The following VPS13C variants were observed in gnomAD, a reference collection of about 807,000 sequenced individuals.
VPS13C encodes vacuolar protein sorting 13 homolog C.
In VPS13C, 358 loss-of-function variants were observed where a neutral mutation model predicts 456.8. The ratio of observed to expected loss-of-function variants is 0.78; its 90% CI spans 0.72 to 0.86. The LOEUF (loss-of-function observed/expected upper bound fraction) is 0.86, where lower values mean the gene tolerates loss of function less well. Among genes scored for constraint, VPS13C ranks in the 40% least tolerant of loss-of-function variants. VPS13C has a pLI of 0.00. For synonymous variants in VPS13C, 1,578 were observed against 1,486.7 expected, an observed-to-expected ratio of 1.06 and a Z score of -1.41; for missense variants, 4,818 against 4,385.4, an observed-to-expected ratio of 1.10 and a Z score of -2.79.
chr15:61,940,648 T>C lies in VPS13C; in HGVS notation c.5600A>G (p.Gln1867Arg), dbSNP rs771393177. 2.5e-6 allele frequency: 4 copies of C among 1,612,556 alleles called. No homozygotes were observed. Among genetic ancestry groups the C allele is most frequent in the Non-Finnish European group, 3.4e-6 (4 of 1,179,472 alleles). ...MEIKGKLKPMQVALSEDDLTV... is the reference protein window; with the variant it reads ...MEIKGKLKPMRVALSEDDLTV... ...ATATATTATATACTAGCTACTTACC[T>C]GCATAGGTTTTAGTTTTCCTTTTAT... is the stretch of plus-strand genomic sequence containing the variant. Residue 1867 changes from glutamine to arginine, a missense_variant and splice_region_variant, in exon 47 of 85, where the codon CAG becomes CGG. By Grantham distance (43) the Gln-to-Arg change is conservative. This residue lies in a region of VPS13C where 4,552 missense variants were observed against 4,130.6 expected (regional missense o/e 1.10). Coordinates refer to ENST00000644861, the MANE Select transcript of VPS13C (RefSeq NM_020821.3).
intron 76 of VPS13C, 44 bp downstream of exon 76, chr15:61,875,688 C>CCATTTTT (rs1344369712): frequency 2.2e-6 from 3 of 1,368,688 alleles, no homozygotes; most frequent in Non-Finnish European, 3.1e-6. Flanking sequence ...AATAGACCAT[C>CCATTTTT]CATTTTTCTG....
intron 66 of VPS13C, among the ~76,000 whole-genome samples, chr15:61,893,807 T>C (rs545591000): frequency 1.1e-4 from 16 of 152,196 alleles, no homozygotes; most frequent in African/African-American, 3.9e-4. Flanking sequence ...TCCTTTCTGA[T>C]CAAAGTTAAG....
chr15:61,885,116 G>A (rs1464616672), intron 67 of VPS13C, among the ~76,000 whole-genome samples: 1 of 152,034 alleles, frequency 6.6e-6, no homozygotes, highest in Non-Finnish European at 1.5e-5. Flanking sequence ...ATGTGGAAGT[G>A]GAGATTTTGC....
intron 15 of VPS13C, among the ~76,000 whole-genome samples, chr15:62,004,755 T>C (rs1422641794): frequency 6.6e-6 from 1 of 150,406 alleles, no homozygotes. Flanking sequence ...AACATCTTTA[T>C]TTCTGCCTTC....
rs1190446277 is a variant in VPS13C, at chr15:61,875,806, C to T, written c.10264G>A (p.Val3422Ile). ...QMYVLVLGLDVLGNPFGLIRG... is the reference protein window; with the variant it reads ...QMYVLVLGLDILGNPFGLIRG... ...ATTAATCCAAATGGGTTTCCAAGTACATCTAACCCCAATACAAGGACATAC... is the reference window on the plus strand; with the variant it reads ...ATTAATCCAAATGGGTTTCCAAGTATATCTAACCCCAATACAAGGACATAC... Residue 3422 changes from valine (V) to isoleucine (I), a missense_variant, in exon 76 of 85, where the codon GTA (valine) becomes ATA (isoleucine). Coordinates refer to ENST00000644861, the MANE Select transcript of VPS13C (RefSeq NM_020821.3). The T allele has an allele frequency of 5.6e-6, 9 of 1,605,132 alleles. No individual in the cohort carries two copies. Among genetic ancestry groups the T allele is most frequent in the East Asian group, 4.5e-5 (2 of 44,608 alleles).
intron 16 of VPS13C, among the ~76,000 whole-genome samples, chr15:61,996,892 CACACAT>C (rs921784191): frequency 1.5e-4 from 22 of 146,798 alleles, no homozygotes; most frequent in South Asian, 2.2e-4. Flanking sequence ...CACACACACA[CACACAT>C]ATATATATAT....
chr15:61,995,316 G>A (rs548930780), intron 16 of VPS13C, among the ~76,000 whole-genome samples: 1 of 152,162 alleles, frequency 6.6e-6, no homozygotes, highest in Admixed American at 6.6e-5. Flanking sequence ...TTTGGAGAGT[G>A]ACCTGCACAA....
chr15:61,917,689 A>G, intron 59 of VPS13C, 54 bp from the exon 60 acceptor site: 3 of 1,552,392 alleles, frequency 1.9e-6, no homozygotes, highest in Non-Finnish European at 2.6e-6. Context: ...CTTAAAAAAA[A>G]GCATCTCATT....
chr15:62,008,534 A>G, intron 14 of VPS13C, 121 bp downstream of exon 14: 3 of 529,970 alleles, frequency 5.7e-6, no homozygotes, highest in Non-Finnish European at 9.4e-6. Flanking sequence ...GTCTTTTAAT[A>G]CTCTTGTCTC....
At position 62,008,702 on chromosome 15, in the gene VPS13C, A is replaced by T; in HGVS notation, c.1071T>A (p.Tyr357Ter). ...GTGGTAAATAAGGCTTGTATTTCCT[A>T]TAAGGCGCATTCCTAACCATATAAT... ...SVDYMVRNAP[Y>*]RKYKPYLPLH... Residue 357 changes from tyrosine to a stop codon, truncating the protein, a stop_gained, in exon 14 of 85, where the codon TAT becomes TAA. Transcript: ENST00000644861. LOFTEE classifies it high-confidence loss of function. 6.2e-7 allele frequency: 1 copy of T among 1,609,228 alleles called. No homozygotes were observed. The highest frequency in any genetic ancestry group is 1.7e-4 in the Middle Eastern group (1 of 5,988).
At chr15:61,908,460 C>A (rs2043209142) in intron 65 of VPS13C, among the ~76,000 whole-genome samples, 1 of 151,930 alleles carries the variant, frequency 6.6e-6, no homozygotes, top group Non-Finnish European at 1.5e-5. Context: ...CAAATGACAG[C>A]AAAGGCAAGA....
chr15:61,933,315 T>A (rs1382307218), intron 49 of VPS13C, among the ~76,000 whole-genome samples: 1 of 152,050 alleles, frequency 6.6e-6, no homozygotes, highest in African/African-American at 2.4e-5. Context: ...GCATTAAACA[T>A]TAGAAAATAA....
rs34356007 is a variant in VPS13C at position 62,019,963 on chromosome 15, CAT to C, written c.684+514_684+515del. Among the ~76,000 whole-genome samples the C allele has an allele frequency of 6.6e-3, 990 of 149,118 alleles. 9 individuals carry two copies. Among genetic ancestry groups the C allele is most frequent in the Admixed American group, 0.021 (313 of 14,842 alleles). On this transcript the variant is annotated intron_variant, in intron 9 of 84. Coordinates refer to ENST00000644861, the MANE Select transcript of VPS13C (RefSeq NM_020821.3). ...AATGTCCAGCCTATATATATATATA[CAT>C]ATATATATATGTATGTGTGTATATA...
At chr15:62,050,699 T>C (rs374998416) in intron 1 of VPS13C, among the ~76,000 whole-genome samples, 36 of 151,708 alleles carry the variant, frequency 2.4e-4, no homozygotes, top group African/African-American at 8.5e-4. Context: ...ATACTCAGGA[T>C]TCTGAGGCAG....
chr15:62,005,921 C>G lies in VPS13C; in HGVS notation c.1290+1387G>C, dbSNP rs2140484163. ...GTTTCATCACGTTGGCCAGGCTGGT[C>G]TCCAATTCCAGACCTCAGGTGATCC... On this transcript the variant is annotated intron_variant, in intron 15 of 84. Transcript: ENST00000644861. Among the ~76,000 whole-genome samples the G allele has an allele frequency of 2.0e-5, 3 of 151,662 alleles. No homozygotes were observed. The South Asian group carries it at 6.3e-4, about 32-fold the overall frequency.
At chr15:62,021,822 GCT>G (rs1289747851) in intron 8 of VPS13C, among the ~76,000 whole-genome samples, 1 of 151,806 alleles carries the variant, frequency 6.6e-6, no homozygotes, top group Admixed American at 6.6e-5. Flanking sequence ...TAAACCTGCA[GCT>G]CTTTCCGAAG....
chr15:61,899,755 T>C (rs144769121), intron 66 of VPS13C, among the ~76,000 whole-genome samples: 57,312 of 150,048 alleles, frequency 0.38, 11,464 homozygotes, highest in Non-Finnish European at 0.43. Flanking sequence ...CTCCCTAACT[T>C]ATTTTATGAG....
At chr15:62,027,447 G>A (rs1222006480) in intron 6 of VPS13C, among the ~76,000 whole-genome samples, 1 of 152,112 alleles carries the variant, frequency 6.6e-6, no homozygotes, top group Non-Finnish European at 1.5e-5. Context: ...TACGGAAGGA[G>A]TAGGTTTATT....
At chr15:62,035,459 A>G (rs2047960931) in intron 3 of VPS13C, among the ~76,000 whole-genome samples, 1 of 152,020 alleles carries the variant, frequency 6.6e-6, no homozygotes, top group Admixed American at 6.6e-5. Flanking sequence ...TTCGGTGCAC[A>G]ACAACAGTTG....
Sources: allele counts gnomAD v4.1 joint callset (sites outside exome capture counted in the v4.1 genomes callset), GRCh38; gene constraint gnomAD v4.1.1; regional missense constraint gnomAD v4.1.1; transcripts MANE v1.5; gene names NCBI Gene and HGNC (gene_info 2026-07-23, HGNC 2026-07-21).